The following MYCBP variants were observed in gnomAD, a reference collection of about 807,000 sequenced individuals.
The protein encoded by MYCBP is MYC binding protein, also known as C-Myc-binding protein.
In MYCBP, 5 loss-of-function variants were observed where a neutral mutation model predicts 16.8. The ratio of observed to expected loss-of-function variants is 0.30; its 90% CI spans 0.16 to 0.63. The LOEUF (loss-of-function observed/expected upper bound fraction) is 0.63, where lower values mean the gene tolerates loss of function less well. Among genes scored for constraint, MYCBP ranks in the 20% least tolerant of loss-of-function variants. The probability of loss-of-function intolerance (pLI) is 0.83; values close to 1 mark genes in which losing one functional copy is unlikely to be tolerated. For synonymous variants in MYCBP, 35 were observed against 43.7 expected (o/e 0.80, Z 0.79); for missense variants, 103 against 121.8 (o/e 0.85, Z 0.73).
intron 2 of MYCBP, chr1:38,872,469 C>T (rs1241296890): frequency 6.6e-6 from 1 of 152,652 alleles, no homozygotes; most frequent in East Asian, 1.9e-4. Flanking sequence ...GCTCTTTAAG[C>T]TGTAATTCTA....
intron 4 of MYCBP, among the ~76,000 whole-genome samples, chr1:38,866,406 C>T (rs1391419869): frequency 1.3e-5 from 2 of 149,632 alleles, no homozygotes; most frequent in African/African-American, 2.5e-5. Flanking sequence ...GTATGTCTTG[C>T]GGTTTTCTTT....
Position 38,863,897 on chromosome 1 carries a change from G to A in MYCBP, c.*773C>T, listed in dbSNP as rs2124247281. 1 of 152,464 alleles carries A rather than the reference G, an allele frequency of 6.6e-6. No homozygotes were observed. Among genetic ancestry groups the A allele is most frequent in the Non-Finnish European group, 1.5e-5 (1 of 68,048 alleles). The allele number at this position is 152,464 out of a possible 1,614,324, so 9.4% of individuals were successfully genotyped here. On this transcript the variant is annotated 3_prime_UTR_variant, in exon 5 of 5. Coordinates refer to ENST00000397572, the MANE Select transcript of MYCBP (RefSeq NM_012333.5). ...GTGTGTGAACCCAGAGTTGTATATTGCCTCTGTCCTGTGCTCAGTAAGCAA... is the reference window on the plus strand; with the variant it reads ...GTGTGTGAACCCAGAGTTGTATATTACCTCTGTCCTGTGCTCAGTAAGCAA...
At chr1:38,866,290 T>C (rs1349455520) in intron 4 of MYCBP, among the ~76,000 whole-genome samples, 1 of 152,102 alleles carries the variant, frequency 6.6e-6, no homozygotes, top group Non-Finnish European at 1.5e-5. Flanking sequence ...GCAGGTGATC[T>C]GCCCACCTCA....
Position 38,864,640 on chromosome 1 carries a change from T to C in MYCBP, c.*30A>G. On this transcript the variant is annotated 3_prime_UTR_variant, in exon 5 of 5. Transcript: ENST00000397572. ...AACTATTCAAGTCATACAAAACCAT[T>C]TTTCATTGTCTTTCAAACTGAGAAG... is the stretch of plus-strand genomic sequence containing the variant. 6.2e-7 allele frequency: 1 copy of C among 1,612,290 alleles called. No individual in the cohort carries two copies. The highest frequency in any genetic ancestry group is 8.5e-7 in the Non-Finnish European group (1 of 1,178,426).
rs1293305595 is a variant in MYCBP, at chr1:38,863,700, A to T, written c.*970T>A. 1 of 152,654 alleles carries T rather than the reference A, an allele frequency of 6.6e-6. No individual in the cohort carries two copies. The highest frequency in any genetic ancestry group is 1.5e-5 in the Non-Finnish European group (1 of 68,034). The allele number at this position is 152,654 out of a possible 1,614,324, so 9.5% of individuals were successfully genotyped here. A position where few individuals can be genotyped will look rare whatever the true frequency, so the allele number is the denominator to read the frequency against. On this transcript the variant is annotated 3_prime_UTR_variant, in exon 5 of 5. Transcript: ENST00000397572. The stretch of plus-strand genomic sequence containing the variant: ...ATTAATATCAGTCTTTGGCCTAAAA[A>T]TTCAGCACCCCTCTTCCCCTTATAC...
At chr1:38,872,918 C>G in intron 2 of MYCBP, 100 bp downstream of exon 2, 1 of 1,374,460 alleles carries the variant, frequency 7.3e-7, no homozygotes. Flanking sequence ...CGGGCCCCAT[C>G]TGTTTCCCCT....
intron 1 of MYCBP, 75 bp from the exon 2 acceptor site, chr1:38,873,165 C>T (rs1285770408): frequency 1.3e-6 from 2 of 1,551,378 alleles, no homozygotes; most frequent in South Asian, 2.4e-5. Flanking sequence ...TCCGGCAACC[C>T]CGCCTCCGCC....
At chr1:38,870,026 C>A (rs933950573) in intron 2 of MYCBP, among the ~76,000 whole-genome samples, 7 of 151,686 alleles carry the variant, frequency 4.6e-5, no homozygotes, top group Non-Finnish European at 8.8e-5. Flanking sequence ...AAAAATTAGC[C>A]GGGCATGGTG....
chr1:38,865,680 C>T (rs1178686538), intron 4 of MYCBP, among the ~76,000 whole-genome samples: 1 of 152,036 alleles, frequency 6.6e-6, no homozygotes, highest in African/African-American at 2.4e-5. Flanking sequence ...CAAATGCCTG[C>T]AGTCCCAGCT....
rs1405603356 is a variant in MYCBP, at chr1:38,863,915, G to A, written c.*755C>T. 2.6e-5 allele frequency: 4 copies of A among 152,408 alleles called. No individual in the cohort carries two copies. The highest frequency in any genetic ancestry group is 2.0e-4 in the Admixed American group (3 of 15,274). The allele number at this position is 152,408 out of a possible 1,614,324, so 9.4% of individuals were successfully genotyped here. On this transcript the variant is annotated 3_prime_UTR_variant, in exon 5 of 5. Coordinates refer to ENST00000397572, the MANE Select transcript of MYCBP (RefSeq NM_012333.5). The stretch of plus-strand genomic sequence containing the variant: ...GTATATTGCCTCTGTCCTGTGCTCA[G>A]TAAGCAAATAAGGCAGGCAGGGGGT...
rs556735739 is a variant in MYCBP at position 38,870,044 on chromosome 1, C to A, written c.89-2434G>T. 3.3e-5 allele frequency among the ~76,000 whole-genome samples: 5 copies of A among 151,646 alleles called. No individual in the cohort carries two copies. The South Asian group carries it at 1.0e-3, about 32-fold the overall frequency. On this transcript the variant is annotated intron_variant, in intron 2 of 4. Transcript: ENST00000397572. ...AATTAGCCGGGCATGGTGGCAGGCA[C>A]CTGTAGTCCCAGCTACTTGGGAGGC...
rs1408322118 is a variant in MYCBP at position 38,863,404 on chromosome 1, TA to T, written c.*1265del. ...AATATATGAAATAGGAATATGTCTA[TA>T]AAACGACAGTCTACCAGTAAGGAAA... On this transcript the variant is annotated 3_prime_UTR_variant, in exon 5 of 5. Coordinates refer to ENST00000397572, the MANE Select transcript of MYCBP (RefSeq NM_012333.5). 1 of 152,168 alleles carries T rather than the reference TA, an allele frequency of 6.6e-6. No individual in the cohort carries two copies. The highest frequency in any genetic ancestry group is 1.9e-4 in the East Asian group (1 of 5,200). 9.4% of individuals were successfully genotyped at this position (152,168 alleles called of 1,614,324 possible). A position where few individuals can be genotyped will look rare whatever the true frequency, so the allele number is the denominator to read the frequency against.
chr1:38,865,965 C>T (rs989130149), intron 4 of MYCBP, among the ~76,000 whole-genome samples: 7 of 151,624 alleles, frequency 4.6e-5, no homozygotes, highest in African/African-American at 1.7e-4. Context: ...TGCTTAAGAA[C>T]CTCAGAACTG....
intron 2 of MYCBP, among the ~76,000 whole-genome samples, chr1:38,870,521 C>T (rs1453679026): frequency 2.0e-5 from 3 of 151,740 alleles, no homozygotes; most frequent in Admixed American, 6.6e-5. Flanking sequence ...AGGCCGGGCG[C>T]GGTGGCTCAC....
chr1:38,867,150 G>A (rs904588957), intron 3 of MYCBP, 141 bp from the exon 4 acceptor site: 6 of 857,506 alleles, frequency 7.0e-6, no homozygotes, highest in Non-Finnish European at 8.8e-6. Context: ...AAACTCAAGT[G>A]AAACTAACTT....
chr1:38,870,090 A>T lies in MYCBP; in HGVS notation c.89-2480T>A, dbSNP rs576635432. 6.0e-5 allele frequency among the ~76,000 whole-genome samples: 9 copies of T among 150,764 alleles called. No individual in the cohort carries two copies. In the South Asian group the frequency reaches 1.9e-3, roughly 32 times the overall value. On this transcript the variant is annotated intron_variant, in intron 2 of 4. Coordinates refer to ENST00000397572, the MANE Select transcript of MYCBP (RefSeq NM_012333.5). ...GAGGCTGAGGCAGGAGAATGGTGTGAACCCGGGAGGCGGAGCTTGCAGTGA... is the reference window on the plus strand; with the variant it reads ...GAGGCTGAGGCAGGAGAATGGTGTGTACCCGGGAGGCGGAGCTTGCAGTGA...
chr1:38,866,479 C>T (rs1209387904), intron 4 of MYCBP, among the ~76,000 whole-genome samples: 5 of 151,692 alleles, frequency 3.3e-5, no homozygotes, highest in African/African-American at 1.2e-4. Flanking sequence ...CACAGTGGCA[C>T]GATCTTGGCT....
chr1:38,866,042 C>CACTTTTT lies in MYCBP; in HGVS notation c.267+837_267+838insAAAAAGT, dbSNP rs1642327210. Among the ~76,000 whole-genome samples, 3 of 24,420 alleles carry CACTTTTT rather than the reference C, an allele frequency of 1.2e-4. No individual in the cohort carries two copies. The Admixed American group carries it at 1.3e-3, about 10-fold the overall frequency. The allele number at this position is 24,420 out of a possible 152,430, so 16.0% of individuals were successfully genotyped here. A position where few individuals can be genotyped will look rare whatever the true frequency, so the allele number is the denominator to read the frequency against. On this transcript the variant is annotated intron_variant, in intron 4 of 4. Coordinates refer to ENST00000397572, the MANE Select transcript of MYCBP (RefSeq NM_012333.5). ...TTTAGTAATACAGGTTCCTAAGAAC[C>CACTTTTT]TCTTTTTTTTTTTTTTTTTTTTTGA...
chr1:38,865,153 A>G (rs988347210), intron 4 of MYCBP, among the ~76,000 whole-genome samples: 2 of 152,250 alleles, frequency 1.3e-5, no homozygotes, highest in African/African-American at 2.4e-5. Context: ...AAAAGGTTCC[A>G]AAGAGTTAAC....
Sources: allele counts gnomAD v4.1 joint callset (sites outside exome capture counted in the v4.1 genomes callset), GRCh38; gene constraint gnomAD v4.1.1; transcripts MANE v1.5; gene names NCBI Gene and HGNC (gene_info 2026-07-23, HGNC 2026-07-21).